Variants in KDELR3 observed in about 807,000 individuals in gnomAD.
KDELR3 encodes the protein KDEL endoplasmic reticulum protein retention receptor 3.
In KDELR3, 26 loss-of-function variants were observed where a neutral mutation model predicts 22.7. The observed-to-expected ratio is 1.15, with a 90% CI of 0.84 to 1.59. The LOEUF (loss-of-function observed/expected upper bound fraction) is 1.59, where lower values mean the gene tolerates loss of function less well. Ranked by LOEUF, KDELR3 falls within the 40% of genes most tolerant of loss-of-function variation. The pLI is 0.00. For synonymous variants in KDELR3, 120 were observed against 98.2 expected, an observed-to-expected ratio of 1.22 and a Z score of -1.31; for missense variants, 289 against 251.1, an observed-to-expected ratio of 1.15 and a Z score of -1.02.
Position 38,479,604 on chromosome 22 carries a change from C to T in KDELR3, c.204C>T (p.Leu68=). Reference sequence around the variant, plus strand: ...CTCTCCCCTTTTAGGTGGTTTTTCTCCTCTGTGCCTATGTTACAGTGTACA... The same window carrying T: ...CTCTCCCCTTTTAGGTGGTTTTTCTTCTCTGTGCCTATGTTACAGTGTACA... The part of the protein sequence containing the change: ...IYNTVMKVVF[L]LCAYVTVYMI... The change falls in exon 3 of 5, where the codon CTC becomes CTT. Residue 68 remains leucine, a synonymous_variant. Transcript: ENST00000216014. 7.4e-6 allele frequency: 12 copies of T among 1,613,372 alleles called. No homozygotes were observed. Among genetic ancestry groups the T allele is most frequent in the Non-Finnish European group, 1.0e-5 (12 of 1,179,322 alleles).
At chr22:38,469,347 T>C (rs2089509318) in intron 1 of KDELR3, among the ~76,000 whole-genome samples, 1 of 151,402 alleles carries the variant, frequency 6.6e-6, no homozygotes. Context: ...GGCCAGGGAG[T>C]TGGGTCTGGG....
chr22:38,471,835 G>A (rs994159733), intron 1 of KDELR3, among the ~76,000 whole-genome samples: 3 of 151,842 alleles, frequency 2.0e-5, no homozygotes, highest in Non-Finnish European at 2.9e-5. Context: ...ATGGTAGCAT[G>A]TGCCTGTAGT....
intron 1 of KDELR3, among the ~76,000 whole-genome samples, chr22:38,470,011 G>A (rs2089514993): frequency 6.6e-6 from 1 of 151,942 alleles, no homozygotes; most frequent in African/African-American, 2.4e-5. Context: ...GTAGAGACGG[G>A]GTTTCGCCAT....
rs1435783396 is a variant in KDELR3 at position 38,474,601 on chromosome 22, C to T, written c.170C>T (p.Ser57Phe). 9 of 1,613,594 alleles carry T rather than the reference C, an allele frequency of 5.6e-6. No homozygotes were observed. The highest frequency in any genetic ancestry group is 6.8e-6 in the Non-Finnish European group (8 of 1,179,708). ...RYLDLFTNFI[S>F]IYNTVMKVVF... Reference sequence around the variant, plus strand: ...CTGGACCTGTTCACCAACTTCATCTCCATCTACAACACAGTAATGAAGGTG... The same window carrying T: ...CTGGACCTGTTCACCAACTTCATCTTCATCTACAACACAGTAATGAAGGTG... Residue 57 changes from serine to phenylalanine, a missense_variant, in exon 2 of 5, where the codon TCC becomes TTC. Physicochemically the swap from Ser to Phe is radical, Grantham distance 155 (BLOSUM62 -2). Transcript: ENST00000216014.
chr22:38,473,699 G>C (rs193051165), intron 1 of KDELR3, among the ~76,000 whole-genome samples: 1 of 152,138 alleles, frequency 6.6e-6, no homozygotes, highest in Non-Finnish European at 1.5e-5. Context: ...TTGGCTGGGC[G>C]TGGTGGGTCA....
intron 1 of KDELR3, among the ~76,000 whole-genome samples, chr22:38,470,433 C>CA (rs2089518011): frequency 6.6e-6 from 1 of 152,164 alleles, no homozygotes; most frequent in South Asian, 2.1e-4. Context: ...CATCAATAAA[C>CA]AATAGTCCTA....
chr22:38,471,888 T>TG (rs11400526), intron 1 of KDELR3, among the ~76,000 whole-genome samples: 26,068 of 151,816 alleles, frequency 0.17, 6,713 homozygotes, highest in African/African-American at 0.56. Flanking sequence ...CATCCGAGCC[T>TG]GGGAGGTTGA....
chr22:38,476,420 T>G (rs2089558162), intron 2 of KDELR3, among the ~76,000 whole-genome samples: 2 of 152,024 alleles, frequency 1.3e-5, no homozygotes, highest in South Asian at 4.1e-4. Flanking sequence ...GGGTTTCACC[T>G]TATTAGCCAG....
In KDELR3 at chr22:38,479,649, T is replaced by TAA. The variant is rs1046330270; in HGVS notation, c.252_253dup (p.Thr85LysfsTer54). ...TGTACATGATATATGGGAAATTCCGTAAAACTTTTGACAGTGAGAATGACA... is the reference window on the plus strand; with the variant it reads ...TGTACATGATATATGGGAAATTCCGTAAAAAACTTTTGACAGTGAGAATGACA... On this transcript the variant is annotated frameshift_variant, in exon 3 of 5. Transcript: ENST00000216014. LOFTEE classifies it high-confidence loss of function. 4.3e-6 allele frequency: 7 copies of TAA among 1,614,000 alleles called. No individual in the cohort carries two copies. Among genetic ancestry groups the TAA allele is most frequent in the African/African-American group, 1.3e-5 (1 of 74,944 alleles).
Position 38,479,772 on chromosome 22 carries a change from C to A in KDELR3, c.351+21C>A, listed in dbSNP as rs778706793. Reference sequence around the variant, plus strand: ...TGGAGGTAAGGGAATGGACTGAGTACCAGTTCTCAAAGGGAAATATGCTCC... The same window carrying A: ...TGGAGGTAAGGGAATGGACTGAGTAACAGTTCTCAAAGGGAAATATGCTCC... On this transcript the variant is annotated intron_variant, in intron 3 of 4. Transcript: ENST00000216014. The A allele has an allele frequency of 1.9e-6, 3 of 1,612,302 alleles. No homozygotes were observed. The East Asian group carries it at 6.7e-5, about 36-fold the overall frequency.
intron 1 of KDELR3, among the ~76,000 whole-genome samples, chr22:38,469,016 G>A (rs141624260): frequency 6.0e-4 from 92 of 152,388 alleles, no homozygotes; most frequent in South Asian, 8.3e-4. Context: ...CGGCATCCTC[G>A]TGGTGCCCTC....
At position 38,482,395 on chromosome 22, in the gene KDELR3, T is replaced by C. The variant is rs1002204874; in HGVS notation, c.605-101T>C. On this transcript the variant is annotated intron_variant, in intron 4 of 4. Coordinates refer to ENST00000216014, the MANE Select transcript of KDELR3 (RefSeq NM_006855.4). Reference sequence around the variant, plus strand: ...TGCTTTAACAATCGAACATATACTGTGAGCCGGCCATTAAGAGATGATACC... The same window carrying C: ...TGCTTTAACAATCGAACATATACTGCGAGCCGGCCATTAAGAGATGATACC... 3.1e-6 allele frequency: 3 copies of C among 959,272 alleles called. No individual in the cohort carries two copies. The African/African-American group carries it at 4.8e-5, about 15-fold the overall frequency. The allele number at this position is 959,272 out of a possible 1,614,324, so 59.4% of individuals were successfully genotyped here.
Position 38,482,707 on chromosome 22 carries a change from G to C in KDELR3, c.*171G>C, listed in dbSNP as rs2089613417. 4 of 626,042 alleles carry C rather than the reference G, an allele frequency of 6.4e-6. No individual in the cohort carries two copies. The highest frequency in any genetic ancestry group is 1.1e-5 in the Non-Finnish European group (4 of 356,424). 38.8% of individuals were successfully genotyped at this position (626,042 alleles called of 1,614,324 possible). The stretch of plus-strand genomic sequence containing the variant: ...CACCCAGAAGACCTTCTCATCAATA[G>C]ATCGCCCTTAAAGACCCATTGTAAG... On this transcript the variant is annotated 3_prime_UTR_variant, in exon 5 of 5. Transcript: ENST00000216014.
chr22:38,468,165 G>A lies in KDELR3; in HGVS notation c.-69G>A, dbSNP rs536546029. On this transcript the variant is annotated 5_prime_UTR_variant, in exon 1 of 5. Coordinates refer to ENST00000216014, the MANE Select transcript of KDELR3 (RefSeq NM_006855.4). Reference sequence around the variant, plus strand: ...AGAGACCGGGGCCGGAGACGTGGCAGCCGCCCTGCCCGCCAGAAAGTTTCC... The same window carrying A: ...AGAGACCGGGGCCGGAGACGTGGCAACCGCCCTGCCCGCCAGAAAGTTTCC... 1.3e-5 allele frequency: 18 copies of A among 1,426,652 alleles called. No individual in the cohort carries two copies. In the African/African-American group the frequency reaches 2.1e-4, roughly 17 times the overall value. 88.4% of individuals were successfully genotyped at this position (1,426,652 alleles called of 1,614,324 possible).
intron 1 of KDELR3, among the ~76,000 whole-genome samples, chr22:38,471,420 C>G (rs1485953179): frequency 6.6e-6 from 1 of 152,180 alleles, no homozygotes; most frequent in African/African-American, 2.4e-5. Flanking sequence ...ATGGCCTCCC[C>G]CAGTGGGGTT....
At chr22:38,478,533 T>TG (rs2089575298) in intron 2 of KDELR3, among the ~76,000 whole-genome samples, 4 of 14,004 alleles carry the variant, frequency 2.9e-4, no homozygotes, top group Non-Finnish European at 1.3e-3. Flanking sequence ...AGACTCCATC[T>TG]CAAAAAAAAA....
intron 1 of KDELR3, among the ~76,000 whole-genome samples, chr22:38,470,873 G>C (rs1193132966): frequency 6.6e-6 from 1 of 152,190 alleles, no homozygotes; most frequent in African/African-American, 2.4e-5. Context: ...GCTGGGCACA[G>C]TGGCTCACAC....
chr22:38,468,474 C>A, intron 1 of KDELR3, 150 bp downstream of exon 1: 1 of 633,404 alleles, frequency 1.6e-6, no homozygotes. Context: ...CTTCCAAAAA[C>A]AATGTAAAGT....
intron 2 of KDELR3, among the ~76,000 whole-genome samples, chr22:38,475,602 T>C (rs2089552405): frequency 6.6e-6 from 1 of 152,168 alleles, no homozygotes; most frequent in African/African-American, 2.4e-5. Flanking sequence ...GAACCAGCCA[T>C]GTAAAGATCA....
Sources: gnomAD v4.1 joint callset for allele counts (sites outside exome capture counted in the v4.1 genomes callset) on GRCh38, gnomAD v4.1.1 for gene constraint, MANE v1.5 for transcripts, NCBI Gene and HGNC (gene_info 2026-07-23, HGNC 2026-07-21) for gene names.